Variants in COMMD2 observed in about 807,000 individuals in gnomAD.
The protein encoded by COMMD2 is COMM domain-containing protein 2.
In COMMD2, 25 loss-of-function variants were observed where a neutral mutation model predicts 22.5. The observed-to-expected ratio is 1.11, with a 90% CI of 0.81 to 1.55. The LOEUF is 1.55. Ranked by LOEUF, COMMD2 falls within the 40% of genes most tolerant of loss-of-function variation. The pLI, the probability that COMMD2 is intolerant of heterozygous loss-of-function variation, is 0.00. For synonymous variants in COMMD2, 98 were observed against 91.2 expected (o/e 1.07, Z -0.42); for missense variants, 223 against 232.9 (o/e 0.96, Z 0.28).
At chr3:149,744,951 CT>C (rs1400922300) in intron 4 of COMMD2, among the ~76,000 whole-genome samples, 9 of 152,180 alleles carry the variant, frequency 5.9e-5, no homozygotes, top group Admixed American at 5.2e-4. Flanking sequence ...GAAAATTCAA[CT>C]TCTTAATTTT....
In COMMD2 at chr3:149,739,090, C is replaced by T. The variant is rs1242031918; in HGVS notation, c.*2431G>A. ...GATATGACATTTAAGTCTAAACATGCACCAGCCAATCGTGAAAAGTCAGCA... is the reference window on the plus strand; with the variant it reads ...GATATGACATTTAAGTCTAAACATGTACCAGCCAATCGTGAAAAGTCAGCA... On this transcript the variant is annotated 3_prime_UTR_variant, in exon 5 of 5. Transcript: ENST00000473414. 6.6e-6 allele frequency: 1 copy of T among 152,110 alleles called. No individual in the cohort carries two copies. Among genetic ancestry groups the T allele is most frequent in the African/African-American group, 2.4e-5 (1 of 41,420 alleles). The allele number at this position is 152,110 out of a possible 1,614,324, so 9.4% of individuals were successfully genotyped here.
intron 3 of COMMD2, among the ~76,000 whole-genome samples, 198 bp from the exon 4 acceptor site, chr3:149,751,049 ATTG>A (rs914816320): frequency 6.6e-5 from 10 of 152,182 alleles, no homozygotes; most frequent in African/African-American, 2.4e-4. Flanking sequence ...AATGGAAAAA[ATTG>A]TTAAGATGCC....
In COMMD2 at chr3:149,752,375, G is replaced by C. The variant is rs557801773; in HGVS notation, c.67+3C>G. 1 of 1,614,108 alleles carries C rather than the reference G, an allele frequency of 6.2e-7. No individual in the cohort carries two copies. The highest frequency in any genetic ancestry group is 1.7e-5 in the Admixed American group (1 of 60,008). ...ACAGAACACCGCCCCCACGCCCGCT[G>C]ACCCGCGCTGTCCACTTGAGGCAGG... On this transcript the variant is annotated splice_donor_region_variant and intron_variant, in intron 1 of 4. Transcript: ENST00000473414.
chr3:149,746,801 G>T (rs1335782122), intron 4 of COMMD2, among the ~76,000 whole-genome samples: 1 of 152,004 alleles, frequency 6.6e-6, no homozygotes, highest in Non-Finnish European at 1.5e-5. Flanking sequence ...AAAAATGAAA[G>T]AAAGAAAAGA....
chr3:149,749,024 T>G (rs1280525558), intron 4 of COMMD2, among the ~76,000 whole-genome samples: 2 of 152,138 alleles, frequency 1.3e-5, no homozygotes, highest in East Asian at 3.9e-4. Flanking sequence ...CTCTCTTTTT[T>G]TTTTTTTTGA....
Position 149,744,293 on chromosome 3 carries a change from A to G in COMMD2, c.403-2575T>C, listed in dbSNP as rs116159185. Among the ~76,000 whole-genome samples the G allele has an allele frequency of 5.1e-3, 773 of 152,354 alleles. 4 individuals carry two copies. Among genetic ancestry groups the G allele is most frequent in the African/African-American group, 0.018 (745 of 41,574 alleles). On this transcript the variant is annotated intron_variant, in intron 4 of 4. Coordinates refer to ENST00000473414, the MANE Select transcript of COMMD2 (RefSeq NM_016094.4). ...CAAAAAACATCAAGTAGGAAACAGGATACATAAATTATGTTTCATGTAGCT... is the reference window on the plus strand; with the variant it reads ...CAAAAAACATCAAGTAGGAAACAGGGTACATAAATTATGTTTCATGTAGCT...
intron 4 of COMMD2, among the ~76,000 whole-genome samples, chr3:149,747,621 CAG>C (rs1161859701): frequency 6.6e-6 from 1 of 152,124 alleles, no homozygotes; most frequent in East Asian, 1.9e-4. Context: ...AATATACAAA[CAG>C]AGAGACAACT....
chr3:149,748,487 C>T (rs1716439281), intron 4 of COMMD2, among the ~76,000 whole-genome samples: 1 of 152,190 alleles, frequency 6.6e-6, no homozygotes, highest in African/African-American at 2.4e-5. Flanking sequence ...AGTGAGATGA[C>T]TTGCCAAAAG....
rs1157539798 is a variant in COMMD2 at position 149,752,394 on chromosome 3, A to C, written c.51T>G (p.Pro17=). The C allele has an allele frequency of 5.0e-6, 8 of 1,614,136 alleles. No homozygotes were observed. Among genetic ancestry groups the C allele is most frequent in the South Asian group, 1.1e-5 (1 of 91,080 alleles). ...CCCGCTGACCCGCGCTGTCCACTTG[A>C]GGCAGGAAGGCCAGGTGTTCCTTAT... ...EEHKEHLAFL[P]QVDSAVVAEF... The change falls in exon 1 of 5, where the codon CCT becomes CCG. Residue 17 remains proline (P), a synonymous_variant. Coordinates refer to ENST00000473414, the MANE Select transcript of COMMD2 (RefSeq NM_016094.4).
intron 1 of COMMD2, 37 bp from the exon 2 acceptor site, chr3:149,752,324 G>A (rs775070099): frequency 1.1e-5 from 18 of 1,613,048 alleles, no homozygotes; most frequent in Non-Finnish European, 1.5e-5. Flanking sequence ...AGTGCCAGGC[G>A]CTGCCTTTGA....
At position 149,749,999 on chromosome 3, in the gene COMMD2, C is replaced by T. The variant is rs986107149; in HGVS notation, c.402+679G>A. Reference sequence around the variant, plus strand: ...CTTTTGTGTCTCAAAGCATTTAGCACAGCTCTAATCAGCAAATAGATGGCA... The same window carrying T: ...CTTTTGTGTCTCAAAGCATTTAGCATAGCTCTAATCAGCAAATAGATGGCA... On this transcript the variant is annotated intron_variant, in intron 4 of 4. Coordinates refer to ENST00000473414, the MANE Select transcript of COMMD2 (RefSeq NM_016094.4). Among the ~76,000 whole-genome samples, 7 of 152,178 alleles carry T rather than the reference C, an allele frequency of 4.6e-5. No homozygotes were observed. In the South Asian group the frequency reaches 1.2e-3, roughly 27 times the overall value.
rs1399596491 is a variant in COMMD2 at position 149,739,930 on chromosome 3, T to C, written c.*1591A>G. ...AATGGGTAACCATCTCAAGTATGTT[T>C]TTCTTCCACTAGCCTATTCCCTGCT... On this transcript the variant is annotated 3_prime_UTR_variant, in exon 5 of 5. Transcript: ENST00000473414. 2.6e-5 allele frequency: 4 copies of C among 152,194 alleles called. No individual in the cohort carries two copies. Among genetic ancestry groups the C allele is most frequent in the Non-Finnish European group, 4.4e-5 (3 of 68,034 alleles). The allele number at this position is 152,194 out of a possible 1,614,324, so 9.4% of individuals were successfully genotyped here.
chr3:149,741,352 C>T lies in COMMD2; in HGVS notation c.*169G>A, dbSNP rs1716217640. The stretch of plus-strand genomic sequence containing the variant: ...AAGTGCTGGGATAACTGGCATGAGC[C>T]ACTGCACCCAGCTTAGCTTCTGATT... On this transcript the variant is annotated 3_prime_UTR_variant, in exon 5 of 5. Coordinates refer to ENST00000473414, the MANE Select transcript of COMMD2 (RefSeq NM_016094.4). 1.6e-6 allele frequency: 1 copy of T among 625,660 alleles called. No individual in the cohort carries two copies. Among genetic ancestry groups the T allele is most frequent in the African/African-American group, 1.8e-5 (1 of 54,142 alleles). The allele number at this position is 625,660 out of a possible 1,614,324, so 38.8% of individuals were successfully genotyped here.
At chr3:149,742,469 A>G (rs967165302) in intron 4 of COMMD2, among the ~76,000 whole-genome samples, 1 of 152,228 alleles carries the variant, frequency 6.6e-6, no homozygotes, top group Non-Finnish European at 1.5e-5. Flanking sequence ...TTAGAAATAC[A>G]TCAAATATTC....
chr3:149,752,303 G>C lies in COMMD2; in HGVS notation c.68-16C>G, dbSNP rs752790023. On this transcript the variant is annotated splice_polypyrimidine_tract_variant and intron_variant, in intron 1 of 4. Transcript: ENST00000473414. The stretch of plus-strand genomic sequence containing the variant: ...TCGGCGACCACTGCAATGAAAGTCA[G>C]AAGGCTGTTGAGTGCCAGGCGCTGC... 6.2e-7 allele frequency: 1 copy of C among 1,614,088 alleles called. No homozygotes were observed. Among genetic ancestry groups the C allele is most frequent in the South Asian group, 1.1e-5 (1 of 91,078 alleles).
chr3:149,743,464 C>T (rs1452574215), intron 4 of COMMD2, among the ~76,000 whole-genome samples: 1 of 152,102 alleles, frequency 6.6e-6, no homozygotes, highest in Non-Finnish European at 1.5e-5. Context: ...AAGTGAGTAA[C>T]AAATCTAAAC....
Position 149,738,647 on chromosome 3 carries a change from T to A in COMMD2, c.*2874A>T, listed in dbSNP as rs1368871706. On this transcript the variant is annotated 3_prime_UTR_variant, in exon 5 of 5. Coordinates refer to ENST00000473414, the MANE Select transcript of COMMD2 (RefSeq NM_016094.4). ...TTGAGAATTTATCAAGGACCCATAA[T>A]AATCCACAGAACCTAAATTCAAATC... 1 of 152,068 alleles carries A rather than the reference T, an allele frequency of 6.6e-6. No homozygotes were observed. The highest frequency in any genetic ancestry group is 2.4e-5 in the African/African-American group (1 of 41,438). The allele number at this position is 152,068 out of a possible 1,614,324, so 9.4% of individuals were successfully genotyped here.
chr3:149,743,675 G>A (rs139827020), intron 4 of COMMD2, among the ~76,000 whole-genome samples: 6 of 152,254 alleles, frequency 3.9e-5, no homozygotes, highest in African/African-American at 7.2e-5. Context: ...ATAGGTACTT[G>A]CAGGCTAAAG....
chr3:149,747,877 G>A (rs983739246), intron 4 of COMMD2, among the ~76,000 whole-genome samples: 1 of 150,470 alleles, frequency 6.6e-6, no homozygotes, highest in Admixed American at 6.6e-5. Flanking sequence ...GAACCCGGGA[G>A]GCGGAGCTTG....
Sources: allele counts gnomAD v4.1 joint callset (sites outside exome capture counted in the v4.1 genomes callset), GRCh38; gene constraint gnomAD v4.1.1; transcripts MANE v1.5; gene names NCBI Gene and HGNC (gene_info 2026-07-23, HGNC 2026-07-21).